HFM1: variants seen among roughly 807,000 people sequenced by gnomAD.
HFM1 encodes the protein probable ATP-dependent DNA helicase HFM1.
In HFM1, 169 loss-of-function variants were observed where a neutral mutation model predicts 192.1. The ratio of observed to expected loss-of-function variants is 0.88; its 90% confidence interval spans 0.78 to 1.00. The LOEUF (loss-of-function observed/expected upper bound fraction) is 1.00, where lower values mean the gene tolerates loss of function less well. HFM1 is among the 50% of genes least tolerant of loss of function. The pLI is 0.00. For missense variants in HFM1, 1,661 were observed against 1,668.0 expected, an observed-to-expected ratio of 1.00 and a Z score of 0.07; for synonymous variants, 525 against 537.8, an observed-to-expected ratio of 0.98 and a Z score of 0.33.
chr1:91,407,450 A>G (rs1404831477), upstream of HFM1, among the ~76,000 whole-genome samples: 1 of 152,038 alleles, frequency 6.6e-6, no homozygotes, highest in East Asian at 1.9e-4. Context: ...TTCTATTTCT[A>G]TGAGTTTACC....
At chr1:91,405,552 C>G (rs1454052212), upstream of HFM1, among the ~76,000 whole-genome samples, 1 of 152,142 alleles carries the variant, frequency 6.6e-6, no homozygotes, top group African/African-American at 2.4e-5. Context: ...TATTCCTGTT[C>G]TCTTTTTTCT....
At position 91,262,371 on chromosome 1, in the gene HFM1, G is replaced by GT; in HGVS notation, c.4107dup (p.Pro1370ThrfsTer9). ...TCAATCTCTGGTGACAGATTTTGTG[G>GT]TTTTCTTTCTTGAAAATGGACCTAC... On this transcript the variant is annotated frameshift_variant, in exon 38 of 39. Coordinates refer to ENST00000370425, the MANE Select transcript of HFM1 (RefSeq NM_001017975.6). LOFTEE classifies it high-confidence loss of function. The GT allele has an allele frequency of 6.3e-7, 1 of 1,576,696 alleles. No individual in the cohort carries two copies. Among genetic ancestry groups the GT allele is most frequent in the South Asian group, 1.2e-5 (1 of 83,282 alleles).
rs760569848 is a variant in HFM1 at position 91,378,388 on chromosome 1, G to T, written c.1236+15C>A. ...TCCTTTTATGTTTATCTCTGAAAGC[G>T]AATGCATTCATTACCTCATCAATGA... On this transcript the variant is annotated intron_variant, in intron 10 of 38. Coordinates refer to ENST00000370425, the MANE Select transcript of HFM1 (RefSeq NM_001017975.6). The T allele has an allele frequency of 1.3e-6, 2 of 1,542,930 alleles. No homozygotes were observed. Among genetic ancestry groups the T allele is most frequent in the Non-Finnish European group, 1.8e-6 (2 of 1,120,464 alleles).
At chr1:91,390,859 T>C (rs1044385670) in intron 4 of HFM1, among the ~76,000 whole-genome samples, 42 of 152,162 alleles carry the variant, frequency 2.8e-4, no homozygotes, top group Admixed American at 2.4e-3. Context: ...GAAAACCCCA[T>C]TGTCCCAGCC....
chr1:91,269,810 C>A (rs1345227373), intron 34 of HFM1, among the ~76,000 whole-genome samples: 1 of 152,008 alleles, frequency 6.6e-6, no homozygotes, highest in Non-Finnish European at 1.5e-5. Flanking sequence ...GCAAAGGGAA[C>A]CTATGCTATG....
chr1:91,347,722 A>G (rs1457019392), intron 18 of HFM1, among the ~76,000 whole-genome samples: 3 of 152,222 alleles, frequency 2.0e-5, no homozygotes, highest in East Asian at 3.8e-4. Context: ...CAAGTGATTA[A>G]TATCTTCTAA....
At chr1:91,310,041 T>C (rs564093836) in intron 30 of HFM1, among the ~76,000 whole-genome samples, 1 of 151,968 alleles carries the variant, frequency 6.6e-6, no homozygotes, top group South Asian at 2.1e-4. Flanking sequence ...AAAGAAGCTG[T>C]CAAATCTACT....
chr1:91,337,239 A>C (rs774819642), intron 20 of HFM1, among the ~76,000 whole-genome samples: 2 of 152,204 alleles, frequency 1.3e-5, no homozygotes, highest in African/African-American at 2.4e-5. Flanking sequence ...TGAAGCGGGA[A>C]AAAATTGGCC....
intron 13 of HFM1, among the ~76,000 whole-genome samples, chr1:91,374,603 T>C (rs1011698435): frequency 6.6e-6 from 1 of 152,124 alleles, no homozygotes; most frequent in African/African-American, 2.4e-5. Context: ...AGTTTTCTGC[T>C]ATGAGTAACT....
Position 91,375,614 on chromosome 1 carries a change from G to A in HFM1, c.1509C>T (p.Asn503=), listed in dbSNP as rs1213106420. Residue 503 remains asparagine (N), a synonymous_variant, in exon 12 of 39, where the codon AAC becomes AAT. Coordinates refer to ENST00000370425, the MANE Select transcript of HFM1 (RefSeq NM_001017975.6). ...KVVLGFPCSS[N]QTEFKFDLTL... ...TTAAATCAAACTTAAACTCAGTTTG[G>A]TTACTACTGCAGGGAAATCCAAGGA... The A allele has an allele frequency of 1.9e-6, 3 of 1,613,274 alleles. No homozygotes were observed. In the South Asian group the frequency reaches 3.3e-5, roughly 18 times the overall value.
intron 30 of HFM1, among the ~76,000 whole-genome samples, chr1:91,278,932 T>G (rs919805104): frequency 6.6e-6 from 1 of 151,890 alleles, no homozygotes; most frequent in Non-Finnish European, 1.5e-5. Context: ...AGAAAAGAAC[T>G]CTCAAGAAAC....
chr1:91,273,569 A>G, intron 34 of HFM1, 143 bp downstream of exon 34: 2 of 535,910 alleles, frequency 3.7e-6, no homozygotes, highest in Non-Finnish European at 6.6e-6. Context: ...GAATTTGAAA[A>G]TGATTCAGTA....
chr1:91,328,300 C>G (rs1653232877), intron 20 of HFM1: 1 of 1,261,944 alleles, frequency 7.9e-7, no homozygotes, highest in Admixed American at 2.7e-5. Context: ...TTAGGACCGC[C>G]TGCCCAGGGC....
intron 30 of HFM1, among the ~76,000 whole-genome samples, chr1:91,289,387 C>A (rs566024804): frequency 3.3e-5 from 5 of 149,342 alleles, no homozygotes; most frequent in Admixed American, 1.3e-4. Flanking sequence ...ACTGGGCGGC[C>A]GGGCAGAAGG....
At chr1:91,332,515 T>C (rs1373262067) in intron 20 of HFM1, among the ~76,000 whole-genome samples, 2 of 152,092 alleles carry the variant, frequency 1.3e-5, no homozygotes, top group Non-Finnish European at 1.5e-5. Flanking sequence ...AAGAAAATAT[T>C]AGGGAAACTC....
At chr1:91,388,795 TA>T (rs1662560210) in intron 4 of HFM1, among the ~76,000 whole-genome samples, 4 of 490 alleles carry the variant, frequency 8.2e-3, no homozygotes, top group Admixed American at 0.045. Context: ...AAAAATTAGA[TA>T]AACTGGACTC....
At chr1:91,367,388 T>A (rs549809143) in intron 13 of HFM1, among the ~76,000 whole-genome samples, 32 of 152,244 alleles carry the variant, frequency 2.1e-4, no homozygotes, top group African/African-American at 7.5e-4. Context: ...CACAGCTGGG[T>A]ACTCCTCTGA....
At chr1:91,392,548 A>G (rs1036202416) in intron 4 of HFM1, among the ~76,000 whole-genome samples, 1 of 152,138 alleles carries the variant, frequency 6.6e-6, no homozygotes, top group African/African-American at 2.4e-5. Context: ...TTGAACAATG[A>G]GAACACTTGC....
intron 20 of HFM1, among the ~76,000 whole-genome samples, chr1:91,341,410 G>A (rs1655315513): frequency 6.6e-6 from 1 of 152,140 alleles, no homozygotes; most frequent in Non-Finnish European, 1.5e-5. Context: ...GAACATAGCA[G>A]AATCTCTGAT....
Sources: gnomAD v4.1 joint callset for allele counts (sites outside exome capture counted in the v4.1 genomes callset) on GRCh38, gnomAD v4.1.1 for gene constraint, MANE v1.5 for transcripts, NCBI Gene and HGNC (gene_info 2026-07-23, HGNC 2026-07-21) for gene names.